XNDC1N: variants seen among roughly 807,000 people sequenced by gnomAD.
XNDC1N encodes the protein protein XNDC1N.
At chr11:71,885,140 T>C in the XNDC1N span, among the ~76,000 whole-genome samples, 1 of 151,006 alleles carries the variant, frequency 6.6e-6, no homozygotes, top group South Asian at 2.1e-4. Flanking sequence ...GTATTGGGTG[T>C]CATATCATCT....
At chr11:71,865,877 T>TAAAC in the XNDC1N span, 46,216 of 438,304 alleles carry the variant, frequency 0.11, 6,185 homozygotes, top group African/African-American at 0.43. Flanking sequence ...AATAAGTAAA[T>TAAAC]AAACAAACAA....
the XNDC1N span, among the ~76,000 whole-genome samples, chr11:71,926,404 A>C: frequency 6.6e-6 from 1 of 152,198 alleles, no homozygotes; most frequent in Non-Finnish European, 1.5e-5. Context: ...ATTTTTTGGT[A>C]ATTACTCGTT....
At chr11:71,910,144 A>G in the XNDC1N span, among the ~76,000 whole-genome samples, 31 of 152,270 alleles carry the variant, frequency 2.0e-4, no homozygotes, top group African/African-American at 5.3e-4. Context: ...GTTCCTTGTC[A>G]GTCTCCATGG....
At chr11:71,900,977 C>A in the XNDC1N span, among the ~76,000 whole-genome samples, 1 of 152,168 alleles carries the variant, frequency 6.6e-6, no homozygotes. Context: ...CTCAAATCCT[C>A]GTCACTCAGG....
the XNDC1N span, among the ~76,000 whole-genome samples, chr11:71,924,011 A>T: frequency 6.6e-6 from 1 of 152,176 alleles, no homozygotes; most frequent in East Asian, 1.9e-4. Context: ...TTGGATTTAT[A>T]TATAGGTGAG....
the XNDC1N span, among the ~76,000 whole-genome samples, chr11:71,925,509 C>A: frequency 2.0e-5 from 3 of 152,138 alleles, no homozygotes; most frequent in African/African-American, 7.2e-5. Context: ...AAAGATGAGT[C>A]CTGAGTCTCC....
At chr11:71,867,168 C>CAAA in the XNDC1N span, among the ~76,000 whole-genome samples, 544 of 151,012 alleles carry the variant, frequency 3.6e-3, 10 homozygotes, top group African/African-American at 0.012. Flanking sequence ...AGTTTAATAA[C>CAAA]AAAAAAAATT....
the XNDC1N span, among the ~76,000 whole-genome samples, chr11:71,888,874 G>C: frequency 2.0e-5 from 3 of 152,308 alleles, no homozygotes; most frequent in Non-Finnish European, 2.9e-5. Flanking sequence ...CCGCCACCTT[G>C]CTCCCGGTAT....
the XNDC1N span, among the ~76,000 whole-genome samples, chr11:71,921,005 T>C: frequency 6.6e-6 from 1 of 152,052 alleles, no homozygotes; most frequent in African/African-American, 2.4e-5. Flanking sequence ...TTCTTCTTTT[T>C]TTTTAGAGAC....
At chr11:71,925,293 G>A in the XNDC1N span, among the ~76,000 whole-genome samples, 1 of 152,036 alleles carries the variant, frequency 6.6e-6, no homozygotes, top group East Asian at 1.9e-4. Context: ...ATGTAAAAGG[G>A]AGAATATAGT....
chr11:71,892,050 G>T, the XNDC1N span, among the ~76,000 whole-genome samples: 3 of 152,140 alleles, frequency 2.0e-5, no homozygotes, highest in South Asian at 6.2e-4. Context: ...TATCACAGGG[G>T]GGTGTACAAC....
chr11:71,897,389 C>A, the XNDC1N span, among the ~76,000 whole-genome samples: 1 of 152,130 alleles, frequency 6.6e-6, no homozygotes, highest in African/African-American at 2.4e-5. Context: ...CAACAAGAAA[C>A]CCAAAGCATC....
chr11:71,889,513 G>A, the XNDC1N span, among the ~76,000 whole-genome samples: 1 of 152,348 alleles, frequency 6.6e-6, no homozygotes, highest in African/African-American at 2.4e-5. Flanking sequence ...AGTGATGGAG[G>A]AAGGATGGAT....
the XNDC1N span, among the ~76,000 whole-genome samples, chr11:71,907,358 C>T: frequency 3.3e-3 from 497 of 151,814 alleles, 5 homozygotes; most frequent in African/African-American, 0.011. Flanking sequence ...AGGCGCCCCC[C>T]GCGATGCGGG....
At chr11:71,869,491 G>A in the XNDC1N span, among the ~76,000 whole-genome samples, 28,647 of 152,062 alleles carry the variant, frequency 0.19, 4,929 homozygotes, top group African/African-American at 0.45. Context: ...TTGCTATTGC[G>A]AATAGTGCTG....
At chr11:71,900,618 G>C in the XNDC1N span, among the ~76,000 whole-genome samples, 1 of 152,188 alleles carries the variant, frequency 6.6e-6, no homozygotes, top group African/African-American at 2.4e-5. Context: ...CAGGGAATCA[G>C]TCCCTCTAAA....
the XNDC1N span, among the ~76,000 whole-genome samples, chr11:71,888,281 T>C: frequency 6.6e-6 from 1 of 152,142 alleles, no homozygotes; most frequent in Non-Finnish European, 1.5e-5. Context: ...AAGCAGGTCA[T>C]TTGCCATCTA....
the XNDC1N span, among the ~76,000 whole-genome samples, chr11:71,911,912 C>T: frequency 6.6e-6 from 1 of 152,150 alleles, no homozygotes; most frequent in African/African-American, 2.4e-5. Flanking sequence ...GATCTTGGAC[C>T]TACTTCTTCT....
chr11:71,919,767 A>G, the XNDC1N span, among the ~76,000 whole-genome samples: 27 of 136,262 alleles, frequency 2.0e-4, no homozygotes, highest in Middle Eastern at 4.5e-3. Flanking sequence ...ACAGGCGCCC[A>G]CCACCATGCC....
Sources: allele counts gnomAD v4.1 joint callset (sites outside exome capture counted in the v4.1 genomes callset), GRCh38; gene constraint gnomAD v4.1.1; transcripts MANE v1.5; gene names NCBI Gene and HGNC (gene_info 2026-07-23, HGNC 2026-07-21).